GABRR2: variants seen among roughly 807,000 people sequenced by gnomAD.
GABRR2 encodes gamma-aminobutyric acid receptor subunit rho-2.
GABRR2 carries 36 observed loss-of-function variants against 47.0 expected under a neutral mutation model. The ratio of observed to expected loss-of-function variants is 0.77; its 90% CI spans 0.59 to 1.01. GABRR2 has a LOEUF of 1.01. Ranked by LOEUF, GABRR2 falls within the 50% of genes least tolerant of loss-of-function variation. The pLI is 0.00. For missense variants in GABRR2, 587 were observed against 594.6 expected, an observed-to-expected ratio of 0.99 and a Z score of 0.13; for synonymous variants, 204 against 227.5, an observed-to-expected ratio of 0.90 and a Z score of 0.93.
At chr6:89,304,013 C>T (rs1004848398) in intron 1 of GABRR2, among the ~76,000 whole-genome samples, 2 of 152,012 alleles carry the variant, frequency 1.3e-5, no homozygotes, top group East Asian at 1.9e-4. Flanking sequence ...TGGAAGACAC[C>T]CTAGGCAATA....
chr6:89,302,552 T>A, intron 1 of GABRR2: 2 of 942,678 alleles, frequency 2.1e-6, no homozygotes, highest in Non-Finnish European at 3.2e-6. Flanking sequence ...ATGGGTGCCC[T>A]TCCCCTGCCT....
At position 89,284,554 on chromosome 6, in the gene GABRR2, A is replaced by G. The variant is rs116436201; in HGVS notation, c.221-12832T>C. On this transcript the variant is annotated intron_variant, in intron 2 of 8. Coordinates refer to ENST00000402938, the MANE Select transcript of GABRR2 (RefSeq NM_002043.5). ...CAGAAGAGAAGGTCAGAGTGATGCC[A>G]TGTTTAAGCAACTTAGCCCGCTGTT... Among the ~76,000 whole-genome samples the G allele has an allele frequency of 2.9e-3, 436 of 152,312 alleles. 2 individuals are homozygous for G. The highest frequency in any genetic ancestry group is 0.01 in the African/African-American group (417 of 41,560).
intron 8 of GABRR2, among the ~76,000 whole-genome samples, chr6:89,262,777 G>A (rs1050103233): frequency 6.6e-6 from 1 of 152,170 alleles, no homozygotes; most frequent in African/African-American, 2.4e-5. Flanking sequence ...ATAAATATGA[G>A]ATTTTCATGT....
intron 2 of GABRR2, among the ~76,000 whole-genome samples, chr6:89,290,811 T>C (rs78359083): frequency 0.029 from 4,370 of 152,282 alleles, 193 homozygotes; most frequent in African/African-American, 0.095. Context: ...CATCCTTCTT[T>C]TGAAGGCCAC....
chr6:89,285,022 C>T (rs1184697229), intron 2 of GABRR2, among the ~76,000 whole-genome samples: 1 of 152,232 alleles, frequency 6.6e-6, no homozygotes, highest in Admixed American at 6.5e-5. Context: ...TCCCTCTCCT[C>T]TGTGAAAACG....
chr6:89,267,917 T>C (rs1773941800), intron 5 of GABRR2, 97 bp downstream of exon 5: 8 of 1,577,038 alleles, frequency 5.1e-6, no homozygotes, highest in Middle Eastern at 1.7e-4. Context: ...TAAATAGGTC[T>C]TAACGCTGGC....
rs2127820628 is a variant in GABRR2 at position 89,255,979 on chromosome 6, C to T, written c.*1691G>A. Among the ~76,000 whole-genome samples, 1 of 152,034 alleles carries T rather than the reference C, an allele frequency of 6.6e-6. No individual in the cohort carries two copies. The highest frequency in any genetic ancestry group is 2.1e-4 in the South Asian group (1 of 4,812). On this transcript the variant is annotated 3_prime_UTR_variant, in exon 9 of 9. Transcript: ENST00000402938. Reference sequence around the variant, plus strand: ...AGGCTGGACTGCAGTGGCTTGATCACAGCTCACGGCAGCCTGGAATTCCTG... The same window carrying T: ...AGGCTGGACTGCAGTGGCTTGATCATAGCTCACGGCAGCCTGGAATTCCTG...
At chr6:89,302,664 G>A (rs920023245) in intron 1 of GABRR2, 35 of 1,293,942 alleles carry the variant, frequency 2.7e-5, no homozygotes, top group Middle Eastern at 2.6e-4. Context: ...GAACATGATG[G>A]CTGCCCGCGA....
In GABRR2 at chr6:89,295,165, A is replaced by G. The variant is rs1774533443; in HGVS notation, c.220+4594T>C. ...CTTTGGGTATATACCCAGTAATGGG[A>G]TGGCTGGGTCAAATGGTATTTCTAG... is the stretch of plus-strand genomic sequence containing the variant. On this transcript the variant is annotated intron_variant, in intron 2 of 8. Transcript: ENST00000402938. 1.3e-5 allele frequency among the ~76,000 whole-genome samples: 2 copies of G among 152,166 alleles called. 1 individual carries two copies. The highest frequency in any genetic ancestry group is 4.1e-4 in the South Asian group (2 of 4,828).
At chr6:89,258,486 G>T (rs969201774) in intron 8 of GABRR2, among the ~76,000 whole-genome samples, 1 of 150,196 alleles carries the variant, frequency 6.7e-6, no homozygotes, top group Non-Finnish European at 1.5e-5. Flanking sequence ...CAGGAGGATC[G>T]CTTGAGGCCA....
At chr6:89,304,937 G>T (rs1767533165) in intron 1 of GABRR2, among the ~76,000 whole-genome samples, 1 of 152,182 alleles carries the variant, frequency 6.6e-6, no homozygotes, top group Admixed American at 6.5e-5. Context: ...TCTCATTACT[G>T]GGTATATAGC....
rs367850108 is a variant in GABRR2, at chr6:89,289,625, A to G, written c.220+10134T>C. ...GGGGGGCACGCCAGAGCAGGGGAAT[A>G]AGGGACAGATCTGAATTACAGTCTG... On this transcript the variant is annotated intron_variant, in intron 2 of 8. Coordinates refer to ENST00000402938, the MANE Select transcript of GABRR2 (RefSeq NM_002043.5). Among the ~76,000 whole-genome samples, 13 of 152,176 alleles carry G rather than the reference A, an allele frequency of 8.5e-5. 1 individual carries two copies. In the East Asian group the frequency reaches 1.5e-3, roughly 18 times the overall value.
intron 2 of GABRR2, among the ~76,000 whole-genome samples, chr6:89,289,483 A>G (rs1350455060): frequency 1.3e-5 from 2 of 152,206 alleles, no homozygotes; most frequent in African/African-American, 4.8e-5. Flanking sequence ...GAGAGAATTT[A>G]ACTTGAATTT....
intron 2 of GABRR2, among the ~76,000 whole-genome samples, chr6:89,281,331 G>A (rs931408970): frequency 6.6e-6 from 1 of 152,142 alleles, no homozygotes; most frequent in African/African-American, 2.4e-5. Context: ...AAGGATCAGT[G>A]AAGTCCAACG....
intron 1 of GABRR2, among the ~76,000 whole-genome samples, chr6:89,312,155 C>A (rs1333199932): frequency 6.6e-6 from 1 of 152,254 alleles, no homozygotes; most frequent in South Asian, 2.1e-4. Context: ...GGGAGAAGTG[C>A]CTCCCTTGGC....
intron 2 of GABRR2, among the ~76,000 whole-genome samples, chr6:89,279,966 T>C (rs1347672208): frequency 6.6e-6 from 1 of 151,870 alleles, no homozygotes; most frequent in Non-Finnish European, 1.5e-5. Context: ...TCCCAGCACT[T>C]TGGGAGGCTG....
intron 2 of GABRR2, among the ~76,000 whole-genome samples, chr6:89,296,296 C>T (rs145284469): frequency 1.8e-4 from 27 of 152,384 alleles, no homozygotes; most frequent in African/African-American, 4.8e-4. Context: ...CCCCGTCCTG[C>T]GATCATCCCA....
chr6:89,295,257 A>G (rs1411448743), intron 2 of GABRR2, among the ~76,000 whole-genome samples: 1 of 152,226 alleles, frequency 6.6e-6, no homozygotes, highest in African/African-American at 2.4e-5. Flanking sequence ...AGTCCCACCA[A>G]CAGTGTAAAA....
At chr6:89,302,775 A>G in intron 1 of GABRR2, 1 of 1,444,868 alleles carries the variant, frequency 6.9e-7, no homozygotes, top group Non-Finnish European at 9.5e-7. Flanking sequence ...GAGCAAGAAC[A>G]GCAGCTACTT....
Sources: gnomAD v4.1 joint callset for allele counts (sites outside exome capture counted in the v4.1 genomes callset) on GRCh38, gnomAD v4.1.1 for gene constraint, MANE v1.5 for transcripts, NCBI Gene and HGNC (gene_info 2026-07-23, HGNC 2026-07-21) for gene names.